SIRT4: variants seen among roughly 807,000 people sequenced by gnomAD.
SIRT4 encodes the protein sirtuin 4.
A neutral mutation model predicts 26.1 loss-of-function variants in SIRT4; 23 were observed. The ratio of observed to expected loss-of-function variants is 0.88; its 90% CI spans 0.63 to 1.25. The LOEUF (loss-of-function observed/expected upper bound fraction) is 1.25, where lower values mean the gene tolerates loss of function less well. SIRT4 is among the 50% of genes most tolerant of loss of function. SIRT4 has a pLI of 0.00. For synonymous variants in SIRT4, 155 were observed against 158.4 expected, an observed-to-expected ratio of 0.98 and a Z score of 0.16; for missense variants, 361 against 405.4, an observed-to-expected ratio of 0.89 and a Z score of 0.94.
the SIRT4 span, among the ~76,000 whole-genome samples, chr12:120,296,223 A>AT: frequency 2.2e-3 from 326 of 145,988 alleles, 1 homozygote; most frequent in Admixed American, 8.5e-3. Context: ...CAAAAATGAC[A>AT]TTTTTTTTTT....
intron 2 of SIRT4, among the ~76,000 whole-genome samples, chr12:120,306,867 T>A (rs1362638449): frequency 1.3e-5 from 2 of 152,314 alleles, no homozygotes; most frequent in African/African-American, 4.8e-5. Flanking sequence ...GAGGAAAATA[T>A]GAGCTGAACA....
the SIRT4 span, among the ~76,000 whole-genome samples, chr12:120,292,167 T>A: frequency 1.3e-5 from 2 of 152,018 alleles, no homozygotes; most frequent in African/African-American, 4.8e-5. Flanking sequence ...CGGTTGAGAC[T>A]TGAATTTTGA....
the SIRT4 span, among the ~76,000 whole-genome samples, chr12:120,296,694 G>C: frequency 6.6e-6 from 1 of 151,346 alleles, no homozygotes; most frequent in Non-Finnish European, 1.5e-5. Flanking sequence ...ATTTTTTGTA[G>C]ATACAGGGTT....
At chr12:120,311,898 G>A (rs1162122667) in intron 2 of SIRT4, among the ~76,000 whole-genome samples, 1 of 152,026 alleles carries the variant, frequency 6.6e-6, no homozygotes, top group Non-Finnish European at 1.5e-5. Context: ...ACGCAGGTTT[G>A]GGCATTAAGG....
At chr12:120,302,437 T>C (rs938471466) in intron 1 of SIRT4, 59 bp downstream of exon 1, 3 of 152,262 alleles carry the variant, frequency 2.0e-5, no homozygotes, top group African/African-American at 7.2e-5. Flanking sequence ...TTGTGAGGGA[T>C]TCTATTTCTC....
rs200817330 is a variant in SIRT4, at chr12:120,303,889, T to A, written c.328T>A (p.Phe110Ile). 2 of 1,614,170 alleles carry A rather than the reference T, an allele frequency of 1.2e-6. No individual in the cohort carries two copies. Among genetic ancestry groups the A allele is most frequent in the Non-Finnish European group, 1.7e-6 (2 of 1,180,036 alleles). ...CCGCCAGCGGTACTGGGCGAGAAAC[T>A]TCGTAGGCTGGCCTCAATTCTCCTC... Reference protein sequence around the residue: ...PIRQRYWARNFVGWPQFSSHQ... With the variant: ...PIRQRYWARNIVGWPQFSSHQ... The change falls in exon 2 of 4, where the codon TTC becomes ATC. Residue 110 changes from phenylalanine to isoleucine, a missense_variant. Phe to Ile is a conservative substitution (Grantham distance 21). Transcript: ENST00000202967.
At chr12:120,298,735 C>G (rs958482873), upstream of SIRT4, among the ~76,000 whole-genome samples, 1 of 149,882 alleles carries the variant, frequency 6.7e-6, no homozygotes, top group South Asian at 2.1e-4. Context: ...GGTGAAACCC[C>G]GTCTCTACTA....
chr12:120,304,833 ATATTTTTTTTTTTT>A lies in SIRT4; in HGVS notation c.497+777_497+790del, dbSNP rs1872689319. 1.1e-3 allele frequency among the ~76,000 whole-genome samples: 9 copies of A among 8,228 alleles called. No individual in the cohort carries two copies. The Middle Eastern group carries it at 0.42, about 381-fold the overall frequency. The allele number at this position is 8,228 out of a possible 152,430, so 5.4% of individuals were successfully genotyped here. A position where few individuals can be genotyped will look rare whatever the true frequency, so the allele number is the denominator to read the frequency against. On this transcript the variant is annotated intron_variant, in intron 2 of 3. Transcript: ENST00000202967. ...TATATATATATATATATATATATAT[ATATTTTTTTTTTTT>A]TTTTTTTTTTTTAAAGAAAGTTGAG...
the SIRT4 span, among the ~76,000 whole-genome samples, chr12:120,295,342 G>A: frequency 1.4e-5 from 2 of 146,808 alleles, no homozygotes; most frequent in Admixed American, 6.8e-5. Context: ...AGCCTCCCAA[G>A]TAGCTGGGAT....
chr12:120,304,553 G>A (rs1872666629), intron 2 of SIRT4, among the ~76,000 whole-genome samples: 1 of 151,802 alleles, frequency 6.6e-6, no homozygotes, highest in Non-Finnish European at 1.5e-5. Flanking sequence ...GGGAGGCTGA[G>A]GCAGGAAAAT....
At chr12:120,311,013 G>C (rs1233259407) in intron 2 of SIRT4, among the ~76,000 whole-genome samples, 1 of 144,016 alleles carries the variant, frequency 6.9e-6, no homozygotes, top group Non-Finnish European at 1.5e-5. Flanking sequence ...GGGATTACAG[G>C]CGTGAGCCAC....
upstream of SIRT4, among the ~76,000 whole-genome samples, chr12:120,298,634 C>T (rs376006429): frequency 3.1e-4 from 47 of 151,842 alleles, no homozygotes; most frequent in South Asian, 6.2e-3. Context: ...AGTGGCAGGG[C>T]GCAGTGGCTC....
intron 2 of SIRT4, among the ~76,000 whole-genome samples, chr12:120,305,915 G>C (rs1391767138): frequency 6.6e-6 from 1 of 151,964 alleles, no homozygotes; most frequent in Non-Finnish European, 1.5e-5. Flanking sequence ...GGGAGGCTGA[G>C]GCAGGAGAAT....
At chr12:120,303,513 A>G (rs201781134) in intron 1 of SIRT4, 48 bp from the exon 2 acceptor site, 33 of 1,536,830 alleles carry the variant, frequency 2.1e-5, no homozygotes, top group East Asian at 4.5e-5. Context: ...AAAATGAGAA[A>G]AAAAAAAAAC....
Position 120,303,743 on chromosome 12 carries a change from C to T in SIRT4, c.182C>T (p.Thr61Ile), listed in dbSNP as rs1175361320. The T allele has an allele frequency of 1.2e-6, 2 of 1,614,014 alleles. No homozygotes were observed. The highest frequency in any genetic ancestry group is 1.7e-6 in the Non-Finnish European group (2 of 1,180,038). Residue 61 changes from threonine (T) to isoleucine (I), a missense_variant, in exon 2 of 4, where the codon ACT becomes ATT. By Grantham distance (89) the Thr-to-Ile change is moderately conservative (BLOSUM62 -1). Coordinates refer to ENST00000202967, the MANE Select transcript of SIRT4 (RefSeq NM_012240.3). ...ITLSKRLLVM[T>I]GAGISTESGI... ...CTTTCCAAGAGACTCCTTGTGATGA[C>T]TGGGGCAGGAATCTCCACCGAATCG...
intron 2 of SIRT4, among the ~76,000 whole-genome samples, chr12:120,307,597 C>T (rs1230079616): frequency 1.3e-5 from 2 of 152,292 alleles, no homozygotes; most frequent in African/African-American, 2.4e-5. Flanking sequence ...CGGTGGCTCA[C>T]GCCTGTAATC....
At chr12:120,293,666 G>A in the SIRT4 span, among the ~76,000 whole-genome samples, 1 of 151,940 alleles carries the variant, frequency 6.6e-6, no homozygotes, top group South Asian at 2.1e-4. Flanking sequence ...TAAATTCACT[G>A]GCATAGAATA....
chr12:120,311,513 C>A (rs1872970502), intron 2 of SIRT4, among the ~76,000 whole-genome samples: 1 of 151,548 alleles, frequency 6.6e-6, no homozygotes, highest in Non-Finnish European at 1.5e-5. Context: ...AGGCGGATCA[C>A]CTGAGGTCGG....
Position 120,311,048 on chromosome 12 carries a change from T to TAAA in SIRT4, c.498-1384_498-1382dup, listed in dbSNP as rs761606021. ...CCACGCCCAGCCTGACCCTGTCTCT[T>TAAA]AAAAAAAAAAAAAAAAAAAAAAAAA... is the stretch of plus-strand genomic sequence containing the variant. On this transcript the variant is annotated intron_variant, in intron 2 of 3. Transcript: ENST00000202967. Among the ~76,000 whole-genome samples, 378 of 69,302 alleles carry TAAA rather than the reference T, an allele frequency of 5.5e-3. 10 individuals are homozygous for TAAA. Among genetic ancestry groups the TAAA allele is most frequent in the African/African-American group, 0.017 (311 of 18,210 alleles). 45.5% of individuals were successfully genotyped at this position (69,302 alleles called of 152,430 possible). A position where few individuals can be genotyped will look rare whatever the true frequency, so the allele number is the denominator to read the frequency against.
Sources: gnomAD v4.1 joint callset for allele counts (sites outside exome capture counted in the v4.1 genomes callset) on GRCh38, gnomAD v4.1.1 for gene constraint, MANE v1.5 for transcripts, NCBI Gene and HGNC (gene_info 2026-07-23, HGNC 2026-07-21) for gene names.